The following GNL3L variants were observed in gnomAD, a reference collection of about 807,000 sequenced individuals.
The protein encoded by GNL3L is G protein nucleolar 3 like.
GNL3L carries 4 observed loss-of-function variants against 42.9 expected under a neutral mutation model. The observed-to-expected ratio is 0.09, with a 90% CI of 0.05 to 0.21. The LOEUF is 0.21. Among genes scored for constraint, GNL3L ranks in the 10% least tolerant of loss-of-function variants. The probability of loss-of-function intolerance (pLI) is 1.00; values close to 1 mark genes in which losing one functional copy is unlikely to be tolerated. For synonymous variants in GNL3L, 159 were observed against 176.3 expected (o/e 0.90, Z 0.78); for missense variants, 412 against 481.7 (o/e 0.86, Z 1.36).
chrX:54,621,737 T>A (rs993191052), downstream of GNL3L, among the ~76,000 whole-genome samples: 2 of 109,870 alleles, frequency 1.8e-5, no homozygotes, highest in Non-Finnish European at 3.8e-5. Flanking sequence ...ACCCAGGAGG[T>A]TGAGGCTGCA....
intron 16 of GNL3L, among the ~76,000 whole-genome samples, chrX:54,574,040 G>A (rs936696274): frequency 1.8e-5 from 2 of 111,359 alleles, no homozygotes; most frequent in Admixed American, 1.9e-4. Context: ...TGTTAAGCAG[G>A]TTCAGGGCAT....
At chrX:54,546,887 C>T (rs1276247152) in intron 8 of GNL3L, among the ~76,000 whole-genome samples, 1 of 111,098 alleles carries the variant, frequency 9.0e-6, no homozygotes, top group Non-Finnish European at 1.9e-5. Context: ...CTCAAGTGAT[C>T]CACCTGCTTT....
intron 16 of GNL3L, among the ~76,000 whole-genome samples, chrX:54,603,332 T>C (rs1046410445): frequency 8.9e-6 from 1 of 111,929 alleles, no homozygotes; most frequent in African/African-American, 3.2e-5. Context: ...CTAATTAGTA[T>C]AGAAGAAATA....
rs144398694 is a variant in GNL3L, at chrX:54,560,162, C to T, written c.1667-358C>T. Among the ~76,000 whole-genome samples, 998 of 111,042 alleles carry T rather than the reference C, an allele frequency of 9.0e-3. 4 individuals carry two copies. The highest frequency in any genetic ancestry group is 0.015 in the South Asian group (40 of 2,626). ...TTCAGGCTTATGGCGAACATACAGC[C>T]GTGTTGCCCTTTGCTGTGAGAGCTT... On this transcript the variant is annotated intron_variant, in intron 15 of 15. Transcript: ENST00000360845.
chrX:54,538,077 C>T (rs1399079183), intron 2 of GNL3L, among the ~76,000 whole-genome samples: 5 of 110,802 alleles, frequency 4.5e-5, no homozygotes, highest in African/African-American at 9.8e-5. Context: ...TTTTTGTATA[C>T]GAATACGGGA....
chrX:54,544,360 C>T (rs1205971394), intron 8 of GNL3L, 34 bp downstream of exon 8: 1 of 797,590 alleles, frequency 1.3e-6, no homozygotes, highest in Admixed American at 2.4e-5. Context: ...TAGCCGCTTT[C>T]AGGGTAGTTT....
intron 16 of GNL3L, among the ~76,000 whole-genome samples, chrX:54,609,073 T>G (rs1926134126): frequency 8.9e-6 from 1 of 112,266 alleles, no homozygotes; most frequent in East Asian, 2.8e-4. Context: ...AGTATCTCAT[T>G]GTGGTTTTGA....
At chrX:54,613,065 T>G (rs1199713522) in intron 16 of GNL3L, among the ~76,000 whole-genome samples, 1 of 111,702 alleles carries the variant, frequency 9.0e-6, no homozygotes, top group Non-Finnish European at 1.9e-5. Context: ...GGAACACTGA[T>G]TATTCTTATG....
chrX:54,576,849 G>A (rs1049904909), intron 16 of GNL3L, among the ~76,000 whole-genome samples: 2 of 111,714 alleles, frequency 1.8e-5, no homozygotes, highest in African/African-American at 6.5e-5. Flanking sequence ...CATGTGTTTT[G>A]TGTTTCTCTA....
intron 16 of GNL3L, among the ~76,000 whole-genome samples, chrX:54,607,082 C>CTTCTTTCTTTCTTTCTTTCTTTCTTTCT (rs751343853): frequency 3.2e-4 from 7 of 21,987 alleles, no homozygotes; most frequent in East Asian, 1.5e-3. Context: ...CTCTTTCTTT[C>CTTCTTTCTTTCTTTCTTTCTTTCTTTCT]TTCTTTCTTT....
At chrX:54,598,751 T>C (rs1482977890) in intron 16 of GNL3L, among the ~76,000 whole-genome samples, 1 of 111,920 alleles carries the variant, frequency 8.9e-6, no homozygotes, top group African/African-American at 3.2e-5. Flanking sequence ...GGCTCATCAG[T>C]AAATTCATTA....
At chrX:54,639,455 C>T in the GNL3L span, among the ~76,000 whole-genome samples, 772 of 112,312 alleles carry the variant, frequency 6.9e-3, 5 homozygotes, top group Middle Eastern at 0.041. Flanking sequence ...GCTGGGTTAT[C>T]TTGGGACTAG....
chrX:54,588,443 A>G (rs1925818301), intron 16 of GNL3L, among the ~76,000 whole-genome samples: 1 of 112,413 alleles, frequency 8.9e-6, no homozygotes, highest in Non-Finnish European at 1.9e-5. Context: ...CAATTTTATC[A>G]AGTGCTTTTC....
intron 2 of GNL3L, among the ~76,000 whole-genome samples, chrX:54,532,795 AT>A (rs1399759676): frequency 1.8e-5 from 2 of 111,135 alleles, no homozygotes; most frequent in Non-Finnish European, 3.8e-5. Flanking sequence ...AGTAGCTGGG[AT>A]TATAGGTGTG....
intron 16 of GNL3L, among the ~76,000 whole-genome samples, chrX:54,618,121 T>C (rs951961733): frequency 2.7e-5 from 3 of 111,762 alleles, no homozygotes; most frequent in South Asian, 7.5e-4. Context: ...TGGCTTCAGT[T>C]ATCATCTGTA....
intron 8 of GNL3L, among the ~76,000 whole-genome samples, chrX:54,546,723 T>G (rs950088846): frequency 6.3e-5 from 7 of 111,918 alleles, no homozygotes; most frequent in Non-Finnish European, 9.4e-5. Flanking sequence ...CTCGGCTCAC[T>G]GCAACTTCTG....
intron 16 of GNL3L, among the ~76,000 whole-genome samples, chrX:54,611,910 A>C (rs1001291622): frequency 7.1e-5 from 8 of 112,089 alleles, no homozygotes; most frequent in Non-Finnish European, 1.5e-4. Context: ...TTGTTGGACG[A>C]AATGTTCTGT....
chrX:54,588,933 C>T (rs1925829195), intron 16 of GNL3L, among the ~76,000 whole-genome samples: 1 of 111,617 alleles, frequency 9.0e-6, no homozygotes, highest in Non-Finnish European at 1.9e-5. Flanking sequence ...TCCTCTTTGA[C>T]CCATGTATCA....
At chrX:54,630,050 T>G in the GNL3L span, among the ~76,000 whole-genome samples, 1 of 111,165 alleles carries the variant, frequency 9.0e-6, no homozygotes, top group Admixed American at 9.6e-5. Context: ...TGTAAAGGTG[T>G]TCATAGTAGC....
Sources: allele counts gnomAD v4.1 joint callset (sites outside exome capture counted in the v4.1 genomes callset), GRCh38; gene constraint gnomAD v4.1.1; transcripts MANE v1.5; gene names NCBI Gene and HGNC (gene_info 2026-07-23, HGNC 2026-07-21).